KIF5C: variants seen among roughly 807,000 people sequenced by gnomAD.
The protein encoded by KIF5C is kinesin heavy chain isoform 5C.
KIF5C carries 18 observed loss-of-function variants against 125.2 expected under a neutral mutation model. That is an observed-to-expected ratio of 0.14 (90% CI 0.10 to 0.21). The LOEUF is 0.21. KIF5C is among the 10% of genes least tolerant of loss of function. The pLI is 1.00. For synonymous variants in KIF5C, 405 were observed against 434.0 expected, an observed-to-expected ratio of 0.93 and a Z score of 0.83; for missense variants, 780 against 1,183.8, an observed-to-expected ratio of 0.66 and a Z score of 5.01.
At chr2:148,944,248 G>A (rs1682474393) in intron 7 of KIF5C, among the ~76,000 whole-genome samples, 1 of 152,152 alleles carries the variant, frequency 6.6e-6, no homozygotes, top group Admixed American at 6.5e-5. Flanking sequence ...CACAATGTGT[G>A]CAATGTCACC....
At chr2:148,895,876 C>CA (rs1558876307) in intron 1 of KIF5C, among the ~76,000 whole-genome samples, 1,541 of 27,122 alleles carry the variant, frequency 0.057, 18 homozygotes, top group South Asian at 0.091. Context: ...ACACACACAC[C>CA]CACAGAGATC....
Position 148,875,575 on chromosome 2 carries a change from G to GGCCCCCCCCCCCCCCCCC in KIF5C, c.-43_-42insGCCCCCCCCCCCCCCCCC. On this transcript the variant is annotated 5_prime_UTR_variant, in exon 1 of 26. Transcript: ENST00000435030. ...TCCTCCCTCGTCGTTCCCGGCCCCG[G>GGCCCCCCCCCCCCCCCCC]CCCCCCACCCATCCCCGTGCCCCCT... is the stretch of plus-strand genomic sequence containing the variant. 1.6e-5 allele frequency: 11 copies of GGCCCCCCCCCCCCCCCCC among 699,574 alleles called. No homozygotes were observed. The highest frequency in any genetic ancestry group is 2.6e-5 in the Non-Finnish European group (10 of 389,214). 43.3% of individuals were successfully genotyped at this position (699,574 alleles called of 1,614,324 possible).
At chr2:148,934,370 A>G (rs141306212) in intron 3 of KIF5C, among the ~76,000 whole-genome samples, 23 of 151,168 alleles carry the variant, frequency 1.5e-4, no homozygotes, top group Non-Finnish European at 2.8e-4. Flanking sequence ...ACCACACACT[A>G]TATACCACAC....
intron 16 of KIF5C, among the ~76,000 whole-genome samples, chr2:148,991,759 G>T (rs927707753): frequency 2.6e-5 from 4 of 152,204 alleles, no homozygotes; most frequent in Non-Finnish European, 2.9e-5. Context: ...TACAGCCCGT[G>T]AATGACAGAG....
chr2:148,909,446 C>G (rs1031229324), intron 1 of KIF5C, among the ~76,000 whole-genome samples: 1 of 152,240 alleles, frequency 6.6e-6, no homozygotes, highest in African/African-American at 2.4e-5. Flanking sequence ...TCTCTCCACT[C>G]CCTCAGAATG....
intron 1 of KIF5C, among the ~76,000 whole-genome samples, chr2:148,899,652 G>A (rs1009416282): frequency 1.4e-5 from 2 of 146,090 alleles, no homozygotes; most frequent in South Asian, 4.3e-4. Context: ...GCGGTGAGCC[G>A]AGGTCGCGCC....
At chr2:148,997,573 G>T (rs1355898820) in intron 18 of KIF5C, 1 of 633,066 alleles carries the variant, frequency 1.6e-6, no homozygotes, top group Non-Finnish European at 2.5e-6. Flanking sequence ...TAATACCTTT[G>T]TCTTCACCAT....
At chr2:148,962,529 G>C (rs575810495) in intron 11 of KIF5C, among the ~76,000 whole-genome samples, 26 of 151,952 alleles carry the variant, frequency 1.7e-4, no homozygotes, top group Non-Finnish European at 3.1e-4. Flanking sequence ...GGAGACACTT[G>C]GGAAAGTTGG....
rs116699734 is a variant in KIF5C, at chr2:148,917,510, G to C, written c.127-4627G>C. ...TGGGGATAATAATACCTAGCTCATAGAGTTCTTATGAGAATTAAATGGGCT... is the reference window on the plus strand; with the variant it reads ...TGGGGATAATAATACCTAGCTCATACAGTTCTTATGAGAATTAAATGGGCT... On this transcript the variant is annotated intron_variant, in intron 1 of 25. Coordinates refer to ENST00000435030, the MANE Select transcript of KIF5C (RefSeq NM_004522.3). Among the ~76,000 whole-genome samples, 612 of 152,320 alleles carry C rather than the reference G, an allele frequency of 4.0e-3. 7 individuals are homozygous for C. Among genetic ancestry groups the C allele is most frequent in the African/African-American group, 0.014 (583 of 41,564 alleles).
In KIF5C at chr2:148,978,958, A is replaced by G; in HGVS notation, c.1330A>G (p.Lys444Glu). ...TAACCAGCAGAGCCAGCTGGCTGAA[A>G]AGCTGAAGCAACAGATGTTGGATCA... The part of the protein sequence containing the change: ...EINQQSQLAE[K>E]LKQQMLDQDE... The change falls in exon 13 of 26, where the codon AAG becomes GAG. Residue 444 changes from lysine (K) to glutamate (E), a missense_variant. Physicochemically the swap from Lys to Glu is moderately conservative, Grantham distance 56. Around this residue, in one of 2 missense-constraint regions of KIF5C, gnomAD observed 573 missense variants for 742.6 expected, o/e 0.77. Coordinates refer to ENST00000435030, the MANE Select transcript of KIF5C (RefSeq NM_004522.3). 6.3e-7 allele frequency: 1 copy of G among 1,595,042 alleles called. No individual in the cohort carries two copies. The highest frequency in any genetic ancestry group is 8.5e-7 in the Non-Finnish European group (1 of 1,170,744).
intron 8 of KIF5C, among the ~76,000 whole-genome samples, chr2:148,949,067 TC>T (rs1163346572): frequency 6.6e-6 from 1 of 152,084 alleles, no homozygotes; most frequent in Admixed American, 6.6e-5. Context: ...GAGCAGCTGC[TC>T]CCCCTGCATC....
chr2:149,015,725 C>T (rs1271761437), intron 25 of KIF5C, among the ~76,000 whole-genome samples: 1 of 152,218 alleles, frequency 6.6e-6, no homozygotes, highest in Non-Finnish European at 1.5e-5. Context: ...CCCAGAGCTA[C>T]ATATGGGGCA....
rs535562388 is a variant in KIF5C at position 148,909,587 on chromosome 2, A to T, written c.127-12550A>T. Among the ~76,000 whole-genome samples the T allele has an allele frequency of 1.6e-4, 25 of 152,288 alleles. 1 individual carries two copies. The highest frequency in any genetic ancestry group is 8.5e-4 in the Admixed American group (13 of 15,308). ...TAAAGCAGTAAGACGAGAAACCCTA[A>T]ATTTGTAAAACTGTAAGAAAGATGT... is the stretch of plus-strand genomic sequence containing the variant. On this transcript the variant is annotated intron_variant, in intron 1 of 25. Transcript: ENST00000435030.
chr2:149,025,284 G>A lies in KIF5C; in HGVS notation c.*2214G>A, dbSNP rs1296835578. ...TCTCTTAAAGATAATTCTGCTAGTT[G>A]CTGATCAGCCAGTCAGTTCACCTAG... On this transcript the variant is annotated 3_prime_UTR_variant, in exon 26 of 26. Transcript: ENST00000435030. 1 of 152,588 alleles carries A rather than the reference G, an allele frequency of 6.6e-6. No individual in the cohort carries two copies. Among genetic ancestry groups the A allele is most frequent in the Non-Finnish European group, 1.5e-5 (1 of 68,036 alleles). 9.5% of individuals were successfully genotyped at this position (152,588 alleles called of 1,614,324 possible).
At chr2:148,969,422 A>AGT (rs151238332) in intron 11 of KIF5C, among the ~76,000 whole-genome samples, 27,652 of 141,012 alleles carry the variant, frequency 0.2, 2,868 homozygotes, top group East Asian at 0.4. Flanking sequence ...GAAGGTTTCC[A>AGT]GTGTGTGTGT....
At chr2:148,895,294 C>T (rs983559396) in intron 1 of KIF5C, among the ~76,000 whole-genome samples, 10 of 152,172 alleles carry the variant, frequency 6.6e-5, no homozygotes, top group East Asian at 5.8e-4. Flanking sequence ...TGCACCACCA[C>T]GCCCGGCTAA....
chr2:148,993,714 T>A (rs1184164713), intron 16 of KIF5C, among the ~76,000 whole-genome samples: 1 of 152,246 alleles, frequency 6.6e-6, no homozygotes, highest in South Asian at 2.1e-4. Flanking sequence ...ATATTTTCCA[T>A]CTGCCTAGAA....
intron 10 of KIF5C, among the ~76,000 whole-genome samples, chr2:148,959,308 G>A (rs537198823): frequency 6.6e-6 from 1 of 151,742 alleles, no homozygotes; most frequent in East Asian, 1.9e-4. Context: ...AGAAAGTGAT[G>A]ATGTTCAATC....
At chr2:148,903,244 C>T (rs1680974549) in intron 1 of KIF5C, among the ~76,000 whole-genome samples, 1 of 152,140 alleles carries the variant, frequency 6.6e-6, no homozygotes, top group African/African-American at 2.4e-5. Context: ...AAAACTTTGT[C>T]CTTCTGGAAG....
Sources: gnomAD v4.1 joint callset for allele counts (sites outside exome capture counted in the v4.1 genomes callset) on GRCh38, gnomAD v4.1.1 for gene constraint, gnomAD v4.1.1 regional missense constraint, MANE v1.5 for transcripts, NCBI Gene and HGNC (gene_info 2026-07-23, HGNC 2026-07-21) for gene names.